The following RAC2 variants were observed in gnomAD, a reference collection of about 807,000 sequenced individuals.
RAC2 encodes Rac family small GTPase 2, also known as ras-related C3 botulinum toxin substrate 2.
A neutral mutation model predicts 24.0 loss-of-function variants in RAC2; 1 was observed. The ratio of observed to expected loss-of-function variants is 0.04; its 90% CI spans 0.01 to 0.20. The LOEUF (loss-of-function observed/expected upper bound fraction) is 0.20. Ranked by LOEUF, RAC2 falls within the 10% of genes least tolerant of loss-of-function variation. The probability of loss-of-function intolerance (pLI) is 1.00; values close to 1 mark genes in which losing one functional copy is unlikely to be tolerated. For synonymous variants in RAC2, 114 were observed against 106.8 expected, an observed-to-expected ratio of 1.07 and a Z score of -0.41; for missense variants, 130 against 259.1, an observed-to-expected ratio of 0.50 and a Z score of 3.42.
intron 5 of RAC2, among the ~76,000 whole-genome samples, chr22:37,228,525 G>T (rs114050303): frequency 0.012 from 1,873 of 152,370 alleles, 33 homozygotes; most frequent in African/African-American, 0.042. Flanking sequence ...GAAGGGAGGG[G>T]AGGGGAACTC....
Position 37,231,153 on chromosome 22 carries a change from G to A in RAC2, c.448+78C>T, listed in dbSNP as rs114247881. 2.3e-4 allele frequency: 350 copies of A among 1,549,182 alleles called. No homozygotes were observed. In the African/African-American group the frequency reaches 4.4e-3, roughly 19 times the overall value. On this transcript the variant is annotated intron_variant, in intron 5 of 6. Transcript: ENST00000249071. The surrounding 1 kb of genome is among the most constrained non-coding windows in gnomAD (Gnocchi z 5.5). ...ACTGCACAGCCTGGCCCTGCAGCCCGTGTTTACAATCACACCACGAGGCCA... is the reference window on the plus strand; with the variant it reads ...ACTGCACAGCCTGGCCCTGCAGCCCATGTTTACAATCACACCACGAGGCCA...
At chr22:37,226,414 G>A (rs964525656) in intron 6 of RAC2, among the ~76,000 whole-genome samples, 5 of 151,986 alleles carry the variant, frequency 3.3e-5, no homozygotes, top group Non-Finnish European at 7.4e-5. Flanking sequence ...GTGGGGCTCC[G>A]TGACACCCAC....
chr22:37,232,611 A>C (rs553353767), intron 3 of RAC2, 190 bp downstream of exon 3: 55 of 617,390 alleles, frequency 8.9e-5, no homozygotes, highest in Non-Finnish European at 1.6e-4. Context: ...ACCGGGAACC[A>C]ATGCAGGGCT....
intron 3 of RAC2, chr22:37,232,574 T>G (rs1306451470): frequency 1.8e-6 from 1 of 567,258 alleles, no homozygotes; most frequent in Non-Finnish European, 3.2e-6. Context: ...CAGGAGGCAA[T>G]GGGGTGGGAA....
At position 37,231,468 on chromosome 22, in the gene RAC2, G is replaced by A; in HGVS notation, c.289-78C>T. Reference sequence around the variant, plus strand: ...AGGCTGTGCGGGGATCAGAGGGAGTGTGAGGGTGTAGGGAGAGGAGAGGCA... The same window carrying A: ...AGGCTGTGCGGGGATCAGAGGGAGTATGAGGGTGTAGGGAGAGGAGAGGCA... On this transcript the variant is annotated intron_variant, in intron 4 of 6. Coordinates refer to ENST00000249071, the MANE Select transcript of RAC2 (RefSeq NM_002872.5). This position sits in a 1 kb window ranked among gnomAD's most constrained non-coding sequence, Gnocchi z 5.5. 7.0e-7 allele frequency: 1 copy of A among 1,425,996 alleles called. No homozygotes were observed. The highest frequency in any genetic ancestry group is 9.8e-7 in the Non-Finnish European group (1 of 1,018,708). The allele number at this position is 1,425,996 out of a possible 1,614,324, so 88.3% of individuals were successfully genotyped here. A position where few individuals can be genotyped will look rare whatever the true frequency, so the allele number is the denominator to read the frequency against.
intron 2 of RAC2, among the ~76,000 whole-genome samples, chr22:37,236,765 T>C (rs746590451): frequency 6.6e-6 from 1 of 152,046 alleles, no homozygotes; most frequent in Non-Finnish European, 1.5e-5. Context: ...AGGGCACGCA[T>C]GGCTAGTGAC....
rs572376387 is a variant in RAC2 at position 37,241,776 on chromosome 22, T to A, written c.36-118A>T. ...TCCACCCAGCCTAGCCCTCTGGGCC[T>A]CCGTCTCCCCATGTGAGATGCCCCC... is the stretch of plus-strand genomic sequence containing the variant. On this transcript the variant is annotated intron_variant, in intron 1 of 6. Transcript: ENST00000249071. 4 of 870,748 alleles carry A rather than the reference T, an allele frequency of 4.6e-6. No individual in the cohort carries two copies. In the East Asian group the frequency reaches 1.0e-4, roughly 22 times the overall value. The allele number at this position is 870,748 out of a possible 1,614,324, so 53.9% of individuals were successfully genotyped here. A position where few individuals can be genotyped will look rare whatever the true frequency, so the allele number is the denominator to read the frequency against.
chr22:37,228,355 AC>A (rs11308176), intron 5 of RAC2, among the ~76,000 whole-genome samples: 29,816 of 152,108 alleles, frequency 0.2, 3,436 homozygotes, highest in African/African-American at 0.32. Flanking sequence ...CCTAGTTCCC[AC>A]CCCCAGGGAC....
intron 1 of RAC2, among the ~76,000 whole-genome samples, chr22:37,242,267 C>G (rs1488174569): frequency 3.3e-5 from 5 of 152,192 alleles, no homozygotes. Context: ...GAGCAGTTAC[C>G]AGGTCAGGGT....
intron 2 of RAC2, among the ~76,000 whole-genome samples, chr22:37,233,170 T>C (rs1032207861): frequency 6.6e-6 from 1 of 152,256 alleles, no homozygotes; most frequent in Non-Finnish European, 1.5e-5. Flanking sequence ...TACCCGTACC[T>C]GTCCTTTGGA....
rs1002609781 is a variant in RAC2 at position 37,225,461 on chromosome 22, T to C, written c.*581A>G. On this transcript the variant is annotated 3_prime_UTR_variant, in exon 7 of 7. Transcript: ENST00000249071. ...GGTTGAACCCAGATTTTCCATTGGC[T>C]GAGCAGATATCCCCAGAGGCGTAGA... 1 of 152,238 alleles carries C rather than the reference T, an allele frequency of 6.6e-6. No homozygotes were observed. Among genetic ancestry groups the C allele is most frequent in the Non-Finnish European group, 1.5e-5 (1 of 68,060 alleles). 9.4% of individuals were successfully genotyped at this position (152,238 alleles called of 1,614,324 possible).
intron 5 of RAC2, among the ~76,000 whole-genome samples, chr22:37,228,950 G>A (rs1926971477): frequency 6.6e-6 from 1 of 152,172 alleles, no homozygotes; most frequent in Non-Finnish European, 1.5e-5. Context: ...GCAAGAGCAG[G>A]GTGCCCTGAG....
At chr22:37,228,682 C>T (rs1355382843) in intron 5 of RAC2, among the ~76,000 whole-genome samples, 2 of 152,182 alleles carry the variant, frequency 1.3e-5, no homozygotes, top group African/African-American at 2.4e-5. Context: ...AGGAAACAGG[C>T]CCAGAGTGGG....
At chr22:37,241,027 G>A in intron 2 of RAC2, 2 of 717,712 alleles carry the variant, frequency 2.8e-6, no homozygotes, top group South Asian at 3.0e-5. Context: ...GAGTGATGGG[G>A]ACCCCTGAGG....
chr22:37,227,626 C>A (rs1228996310), intron 5 of RAC2, among the ~76,000 whole-genome samples: 2 of 140,052 alleles, frequency 1.4e-5, no homozygotes, highest in African/African-American at 5.4e-5. Flanking sequence ...CCACGCCATA[C>A]ACCCCTCCTA....
intron 5 of RAC2, among the ~76,000 whole-genome samples, chr22:37,228,494 T>G (rs995295215): frequency 5.3e-5 from 8 of 152,222 alleles, no homozygotes; most frequent in Non-Finnish European, 2.9e-5. Flanking sequence ...TGGGGGCCGA[T>G]GTCAGAACCA....
intron 2 of RAC2, among the ~76,000 whole-genome samples, chr22:37,234,646 G>C (rs1010905610): frequency 6.6e-6 from 1 of 152,028 alleles, no homozygotes; most frequent in Non-Finnish European, 1.5e-5. Context: ...GCCGTTTCCC[G>C]GGAAAGGCTC....
At chr22:37,236,732 C>G (rs1400453929) in intron 2 of RAC2, among the ~76,000 whole-genome samples, 1 of 152,116 alleles carries the variant, frequency 6.6e-6, no homozygotes, top group Non-Finnish European at 1.5e-5. Context: ...AAGGATGGTG[C>G]ATTCAAGGAA....
In RAC2 at chr22:37,233,164, C is replaced by T. The variant is rs546611876; in HGVS notation, c.108-246G>A. ...ATTGTCTCTTAATCCTTTTCCTACC[C>T]GTACCTGTCCTTTGGAAAGGTAATT... On this transcript the variant is annotated intron_variant, in intron 2 of 6. Transcript: ENST00000249071. Among the ~76,000 whole-genome samples, 11 of 152,358 alleles carry T rather than the reference C, an allele frequency of 7.2e-5. No homozygotes were observed. In the South Asian group the frequency reaches 1.9e-3, roughly 26 times the overall value.
Sources: gnomAD v4.1 joint callset for allele counts (sites outside exome capture counted in the v4.1 genomes callset) on GRCh38, gnomAD v4.1.1 for gene constraint, Gnocchi (gnomAD v3.1) non-coding constraint, MANE v1.5 for transcripts, NCBI Gene and HGNC (gene_info 2026-07-23, HGNC 2026-07-21) for gene names.